FAAH2: variants seen among roughly 807,000 people sequenced by gnomAD.
FAAH2 encodes the protein fatty-acid amide hydrolase 2.
In FAAH2, 60 loss-of-function variants were observed where a neutral mutation model predicts 36.9. That is an observed-to-expected ratio of 1.63 (90% confidence interval 1.32 to 2.02). The LOEUF is 2.02. FAAH2 is among the 30% of genes most tolerant of loss of function. The probability of loss-of-function intolerance (pLI) is 0.00; values close to 1 mark genes in which losing one functional copy is unlikely to be tolerated. For missense variants in FAAH2, 689 were observed against 397.5 expected, an observed-to-expected ratio of 1.73 and a Z score of -6.23; for synonymous variants, 214 against 143.8, an observed-to-expected ratio of 1.49 and a Z score of -3.49.
rs750358766 is a variant in FAAH2, at chrX:57,364,001, C to A, written c.743-14650C>A. On this transcript the variant is annotated intron_variant, in intron 5 of 10. Transcript: ENST00000374900. ...CATCTATGTTCATCATAGATGTCGG[C>A]CTGTAGGGTTTTTTTTTTTTTTTTT... Among the ~76,000 whole-genome samples the A allele has an allele frequency of 3.7e-4, 34 of 90,730 alleles. 1 individual carries two copies. Among genetic ancestry groups the A allele is most frequent in the African/African-American group, 1.3e-3 (34 of 25,497 alleles). The allele number at this position is 90,730 out of a possible 115,157, so 78.8% of individuals were successfully genotyped here. A position where few individuals can be genotyped will look rare whatever the true frequency, so the allele number is the denominator to read the frequency against.
chrX:57,450,023 A>G (rs2056755697), intron 10 of FAAH2, among the ~76,000 whole-genome samples: 1 of 111,513 alleles, frequency 9.0e-6, no homozygotes, highest in Admixed American at 9.7e-5. Context: ...TTAAGTTTCT[A>G]TCACCTAGTT....
At chrX:57,462,082 T>A (rs1328602483) in intron 10 of FAAH2, among the ~76,000 whole-genome samples, 4 of 93,760 alleles carry the variant, frequency 4.3e-5, no homozygotes, top group Non-Finnish European at 8.1e-5. Context: ...ACATACACCC[T>A]CCCAAGGCTA....
At chrX:57,156,609 G>A in the FAAH2 span, among the ~76,000 whole-genome samples, 3 of 112,298 alleles carry the variant, frequency 2.7e-5, no homozygotes, top group African/African-American at 9.7e-5. Flanking sequence ...CTAGGTGGCA[G>A]CCTGAGCCCT....
chrX:57,320,953 A>G (rs1403433164), intron 3 of FAAH2, among the ~76,000 whole-genome samples: 1 of 111,077 alleles, frequency 9.0e-6, no homozygotes, highest in Admixed American at 9.6e-5. Context: ...CCTGGCTAAC[A>G]TGGTAAAACC....
At chrX:57,177,830 C>T in the FAAH2 span, among the ~76,000 whole-genome samples, 4 of 108,893 alleles carry the variant, frequency 3.7e-5, no homozygotes, top group Admixed American at 2.0e-4. Flanking sequence ...CTGAGCCTAG[C>T]AGTGCAACTA....
intron 10 of FAAH2, among the ~76,000 whole-genome samples, chrX:57,449,353 A>G (rs1435643615): frequency 1.8e-5 from 2 of 111,471 alleles, no homozygotes; most frequent in Non-Finnish European, 3.8e-5. Context: ...TTCTCACCCA[A>G]TAAACCTGTG....
the FAAH2 span, among the ~76,000 whole-genome samples, chrX:57,259,147 T>A: frequency 8.9e-6 from 1 of 111,913 alleles, no homozygotes; most frequent in African/African-American, 3.2e-5. Flanking sequence ...ACATCATGGA[T>A]GGAAATGTAA....
At chrX:57,460,870 A>G (rs2056945794) in intron 10 of FAAH2, among the ~76,000 whole-genome samples, 1 of 111,876 alleles carries the variant, frequency 8.9e-6, no homozygotes. Flanking sequence ...TTGGATAAAG[A>G]GTCGAGACCC....
the FAAH2 span, among the ~76,000 whole-genome samples, chrX:57,141,273 C>T: frequency 9.0e-6 from 1 of 111,595 alleles, no homozygotes; most frequent in African/African-American, 3.3e-5. Flanking sequence ...TCATTGCATC[C>T]CTAAGATTAA....
chrX:57,252,316 T>C, the FAAH2 span, among the ~76,000 whole-genome samples: 1 of 112,478 alleles, frequency 8.9e-6, no homozygotes, highest in African/African-American at 3.2e-5. Context: ...AGAGGGCATA[T>C]CTGAACAAAA....
rs1354800250 is a variant in FAAH2 at position 57,488,969 on chromosome X, G to T, written c.*37G>T. 31 of 1,157,099 alleles carry T rather than the reference G, an allele frequency of 2.7e-5. No homozygotes were observed. Among genetic ancestry groups the T allele is most frequent in the Non-Finnish European group, 3.5e-5 (30 of 866,448 alleles). Reference sequence around the variant, plus strand: ...GCAAGGTTAATGTGTGTGTGTGTTTGTGTTCGTGTGGTGGTGTTTCTATTA... The same window carrying T: ...GCAAGGTTAATGTGTGTGTGTGTTTTTGTTCGTGTGGTGGTGTTTCTATTA... On this transcript the variant is annotated 3_prime_UTR_variant, in exon 11 of 11. Coordinates refer to ENST00000374900, the MANE Select transcript of FAAH2 (RefSeq NM_174912.4).
At position 57,331,716 on chromosome X, in the gene FAAH2, T is replaced by G; in HGVS notation, c.531T>G (p.Ser177Arg). The G allele has an allele frequency of 8.3e-7, 1 of 1,211,206 alleles. No individual in the cohort carries two copies. Among genetic ancestry groups the G allele is most frequent in the South Asian group, 1.8e-5 (1 of 56,957 alleles). The change falls in exon 4 of 11, where the codon AGT becomes AGG. Residue 177 changes from serine (S) to arginine (R), a missense_variant. Coordinates refer to ENST00000374900, the MANE Select transcript of FAAH2 (RefSeq NM_174912.4). ...TTCCTCTTGGCATAACCAACTGTAG[T>G]GAGTTGTGTATGTGGTATGAATCCA... is the stretch of plus-strand genomic sequence containing the variant. ...GAIPLGITNC[S>R]ELCMWYESSN...
chrX:57,475,410 A>G (rs893413791), intron 10 of FAAH2, among the ~76,000 whole-genome samples: 1 of 112,061 alleles, frequency 8.9e-6, no homozygotes, highest in African/African-American at 3.2e-5. Flanking sequence ...TTTTCTGCAT[A>G]TGGCTAGCCA....
At chrX:57,330,754 C>G (rs971426369) in intron 3 of FAAH2, among the ~76,000 whole-genome samples, 4 of 111,392 alleles carry the variant, frequency 3.6e-5, no homozygotes, top group African/African-American at 1.3e-4. Context: ...CTCAAACTGG[C>G]TGATGCTTAG....
chrX:57,356,584 G>A (rs973252633), intron 5 of FAAH2, among the ~76,000 whole-genome samples: 17 of 109,382 alleles, frequency 1.6e-4, no homozygotes, highest in Non-Finnish European at 3.3e-4. Flanking sequence ...TATTTCTGTG[G>A]CATCATTTAT....
intron 7 of FAAH2, among the ~76,000 whole-genome samples, chrX:57,399,338 G>A (rs2055378608): frequency 8.9e-6 from 1 of 111,883 alleles, no homozygotes; most frequent in Admixed American, 9.5e-5. Flanking sequence ...TGCTATCAAT[G>A]CCTAAGTGAA....
chrX:57,478,624 T>C (rs1313833107), intron 10 of FAAH2, among the ~76,000 whole-genome samples: 1 of 112,017 alleles, frequency 8.9e-6, no homozygotes, highest in Non-Finnish European at 1.9e-5. Flanking sequence ...GTTTTAGGTG[T>C]AACGTTTAAG....
chrX:57,341,458 T>C lies in FAAH2; in HGVS notation c.742+68T>C. 3 of 1,090,046 alleles carry C rather than the reference T, an allele frequency of 2.8e-6. No homozygotes were observed. The South Asian group carries it at 6.8e-5, about 25-fold the overall frequency. 89.8% of individuals were successfully genotyped at this position (1,090,046 alleles called of 1,213,427 possible). A position where few individuals can be genotyped will look rare whatever the true frequency, so the allele number is the denominator to read the frequency against. ...TCAGAGCAATTCAGAAATTTTGTTCTAGCAGGATTATCTTGCTTATCAGGG... is the reference window on the plus strand; with the variant it reads ...TCAGAGCAATTCAGAAATTTTGTTCCAGCAGGATTATCTTGCTTATCAGGG... On this transcript the variant is annotated intron_variant, in intron 5 of 10. Coordinates refer to ENST00000374900, the MANE Select transcript of FAAH2 (RefSeq NM_174912.4).
intron 7 of FAAH2, among the ~76,000 whole-genome samples, chrX:57,419,531 T>C (rs2055948850): frequency 8.9e-6 from 1 of 112,273 alleles, no homozygotes; most frequent in Middle Eastern, 4.6e-3. Flanking sequence ...GAGAAGTGTC[T>C]GTTCCCATCC....
Sources: allele counts gnomAD v4.1 joint callset (sites outside exome capture counted in the v4.1 genomes callset), GRCh38; gene constraint gnomAD v4.1.1; transcripts MANE v1.5; gene names NCBI Gene and HGNC (gene_info 2026-07-23, HGNC 2026-07-21).